RANBP2: variants seen among roughly 807,000 people sequenced by gnomAD.
The protein encoded by RANBP2 is RAN binding protein 2.
A neutral mutation model predicts 303.6 loss-of-function variants in RANBP2; 57 were observed. The observed-to-expected ratio is 0.19, with a 90% CI of 0.15 to 0.23. RANBP2 has a LOEUF of 0.23. RANBP2 is among the 10% of genes least tolerant of loss of function. The pLI is 1.00. For synonymous variants in RANBP2, 1,167 were observed against 1,301.5 expected (o/e 0.90, Z 2.23); for missense variants, 3,138 against 3,780.8 (o/e 0.83, Z 4.46).
At chr2:108,873,130 T>C in the RANBP2 span, among the ~76,000 whole-genome samples, 1 of 152,196 alleles carries the variant, frequency 6.6e-6, no homozygotes, top group East Asian at 1.9e-4. Flanking sequence ...CTAATTATAG[T>C]ATTTAAACTG....
chr2:109,538,390 G>A, the RANBP2 span, among the ~76,000 whole-genome samples: 9 of 152,356 alleles, frequency 5.9e-5, no homozygotes, highest in East Asian at 1.5e-3. Flanking sequence ...CAAGAATAAG[G>A]CTGTGGATGT....
the RANBP2 span, among the ~76,000 whole-genome samples, chr2:108,891,327 A>C: frequency 6.6e-6 from 1 of 152,226 alleles, no homozygotes; most frequent in Non-Finnish European, 1.5e-5. Flanking sequence ...TCATAGAAGA[A>C]GACTTTTTCC....
At chr2:109,179,600 C>T in the RANBP2 span, among the ~76,000 whole-genome samples, 1 of 152,170 alleles carries the variant, frequency 6.6e-6, no homozygotes. Flanking sequence ...ATCCTTCCTG[C>T]TGTGTTGTAA....
chr2:108,896,763 G>T, the RANBP2 span: 1 of 775,444 alleles, frequency 1.3e-6, no homozygotes, highest in Non-Finnish European at 2.0e-6. Context: ...GCCTTATTTC[G>T]TCTGGCTCCT....
At chr2:108,964,603 G>A in the RANBP2 span, among the ~76,000 whole-genome samples, 1 of 152,232 alleles carries the variant, frequency 6.6e-6, no homozygotes, top group Non-Finnish European at 1.5e-5. Flanking sequence ...AAGGGCAGCT[G>A]TTTAAAGAAC....
chr2:109,114,363 G>T, the RANBP2 span, among the ~76,000 whole-genome samples: 3 of 152,080 alleles, frequency 2.0e-5, 1 homozygote, highest in South Asian at 6.2e-4. Context: ...AGTCTTGGGA[G>T]GGTGTATGTG....
chr2:109,520,349 TC>T, the RANBP2 span, among the ~76,000 whole-genome samples: 1 of 152,092 alleles, frequency 6.6e-6, no homozygotes, highest in African/African-American at 2.4e-5. Flanking sequence ...ATGCCTGTAA[TC>T]CCAGCACTTT....
chr2:108,919,329 G>A, the RANBP2 span, among the ~76,000 whole-genome samples: 289 of 152,254 alleles, frequency 1.9e-3, 1 homozygote, highest in Non-Finnish European at 3.4e-3. Context: ...AGGCTATTGC[G>A]TTCTTTCATT....
the RANBP2 span, among the ~76,000 whole-genome samples, chr2:109,094,176 CAGCCCCCAATG>C: frequency 2.0e-5 from 3 of 152,082 alleles, no homozygotes; most frequent in Admixed American, 6.5e-5. Context: ...GAAACATCCC[CAGCCCCCAATG>C]AGAGATGAGA....
the RANBP2 span, chr2:108,894,662 AG>A: frequency 3.9e-5 from 6 of 152,726 alleles, no homozygotes; most frequent in East Asian, 1.2e-3. Context: ...ATGGAGTCCC[AG>A]CTTTGGTCAG....
chr2:109,211,710 T>A, the RANBP2 span, among the ~76,000 whole-genome samples: 28 of 150,856 alleles, frequency 1.9e-4, no homozygotes, highest in Non-Finnish European at 3.1e-4. Flanking sequence ...AATGGTGCAA[T>A]CTTGGCTCAC....
intron 7 of RANBP2, among the ~76,000 whole-genome samples, chr2:108,743,397 C>T (rs924622281): frequency 3.3e-5 from 5 of 152,282 alleles, no homozygotes; most frequent in Admixed American, 6.5e-5. Flanking sequence ...TCAGCCTCAG[C>T]TCAGTAGCTG....
intron 1 of RANBP2, among the ~76,000 whole-genome samples, chr2:108,726,645 A>AT (rs904547873): frequency 3.3e-5 from 5 of 151,330 alleles, no homozygotes; most frequent in South Asian, 2.1e-4. Flanking sequence ...TTTTTAATTT[A>AT]TTTTTTTATT....
the RANBP2 span, among the ~76,000 whole-genome samples, chr2:109,124,025 T>A: frequency 2.0e-5 from 3 of 151,336 alleles, no homozygotes; most frequent in Admixed American, 6.6e-5. Context: ...TATTTATTAT[T>A]TTTTTGACAC....
chr2:109,137,603 T>A, the RANBP2 span, among the ~76,000 whole-genome samples: 1 of 152,218 alleles, frequency 6.6e-6, no homozygotes, highest in African/African-American at 2.4e-5. Context: ...TCATTTAGGA[T>A]CTAAGATACA....
the RANBP2 span, among the ~76,000 whole-genome samples, chr2:109,079,390 A>G: frequency 6.6e-6 from 1 of 152,136 alleles, no homozygotes; most frequent in Non-Finnish European, 1.5e-5. Flanking sequence ...ACACTAGGGT[A>G]TTAATAGTTA....
At chr2:108,965,941 C>T in the RANBP2 span, among the ~76,000 whole-genome samples, 1 of 152,132 alleles carries the variant, frequency 6.6e-6, no homozygotes, top group Non-Finnish European at 1.5e-5. Flanking sequence ...CTATCAACGT[C>T]AAATCAGTGC....
the RANBP2 span, among the ~76,000 whole-genome samples, chr2:109,736,538 C>A: frequency 6.6e-6 from 1 of 152,142 alleles, no homozygotes; most frequent in Admixed American, 6.5e-5. Context: ...ACAATCGATT[C>A]CCCAAACCCC....
At chr2:109,040,968 A>G in the RANBP2 span, among the ~76,000 whole-genome samples, 4 of 152,194 alleles carry the variant, frequency 2.6e-5, no homozygotes, top group African/African-American at 9.7e-5. Context: ...AGGCAGGAGA[A>G]TGGCGTGGAC....
Sources: allele counts gnomAD v4.1 joint callset (sites outside exome capture counted in the v4.1 genomes callset), GRCh38; gene constraint gnomAD v4.1.1; transcripts MANE v1.5; gene names NCBI Gene and HGNC (gene_info 2026-07-23, HGNC 2026-07-21).